VPS9D1: variants seen among roughly 807,000 people sequenced by gnomAD.
The protein encoded by VPS9D1 is VPS9 domain containing 1.
In VPS9D1, 78 loss-of-function variants were observed where a neutral mutation model predicts 75.8. The ratio of observed to expected loss-of-function variants is 1.03; its 90% confidence interval spans 0.86 to 1.24. The LOEUF (loss-of-function observed/expected upper bound fraction) is 1.24, where lower values mean the gene tolerates loss of function less well. Ranked by LOEUF, VPS9D1 falls within the 50% of genes most tolerant of loss-of-function variation. VPS9D1 has a pLI of 0.00. For synonymous variants in VPS9D1, 481 were observed against 385.6 expected (o/e 1.25, Z -2.90); for missense variants, 1,057 against 847.7 (o/e 1.25, Z -3.07).
intron 2 of VPS9D1, among the ~76,000 whole-genome samples, chr16:89,718,718 TC>T (rs1296331027): frequency 1.4e-5 from 2 of 144,018 alleles, no homozygotes; most frequent in African/African-American, 4.9e-5. Context: ...CTTTTTCTTT[TC>T]TTTTTTTTTT....
rs370749023 is a variant in VPS9D1 at position 89,712,481 on chromosome 16, A to G, written c.585T>C (p.Ile195=). Reference sequence around the variant, plus strand: ...CTGCTGTCTCCTCCCGGGCTTTGGCAATCACTAGGTTCTCCATCATCTGCC... The same window carrying G: ...CTGCTGTCTCCTCCCGGGCTTTGGCGATCACTAGGTTCTCCATCATCTGCC... ...LQRQMMENLV[I]AKAREETLQR... Residue 195 remains isoleucine (I), a synonymous_variant, in exon 6 of 15, where the codon ATT becomes ATC. Coordinates refer to ENST00000389386, the MANE Select transcript of VPS9D1 (RefSeq NM_004913.3). 2.1e-5 allele frequency: 34 copies of G among 1,613,352 alleles called. 1 individual carries two copies. The highest frequency in any genetic ancestry group is 3.3e-4 in the Middle Eastern group (2 of 6,010).
chr16:89,718,697 C>T (rs1170734520), intron 2 of VPS9D1, among the ~76,000 whole-genome samples: 3 of 151,720 alleles, frequency 2.0e-5, no homozygotes, highest in Non-Finnish European at 4.4e-5. Flanking sequence ...AGGGCTCAGC[C>T]ATGCCTTTTT....
intron 8 of VPS9D1, 51 bp from the exon 9 acceptor site, chr16:89,711,463 G>A: frequency 2.6e-6 from 4 of 1,521,294 alleles, no homozygotes; most frequent in Non-Finnish European, 3.6e-6. Flanking sequence ...GCCACGACCG[G>A]ACGCGCCTCA....
rs1336036030 is a variant in VPS9D1, at chr16:89,711,985, C to T, written c.660-16G>A. 3.9e-6 allele frequency: 6 copies of T among 1,550,256 alleles called. No homozygotes were observed. Among genetic ancestry groups the T allele is most frequent in the African/African-American group, 2.7e-5 (2 of 73,040 alleles). On this transcript the variant is annotated splice_polypyrimidine_tract_variant and intron_variant, in intron 7 of 14. Coordinates refer to ENST00000389386, the MANE Select transcript of VPS9D1 (RefSeq NM_004913.3). The stretch of plus-strand genomic sequence containing the variant: ...GCAAAACCTCCTGGGGAGAAAGGCA[C>T]GCGGTGGGTGCCGGGGCCAGGCCCT...
chr16:89,715,578 C>T (rs1253729516), intron 4 of VPS9D1, among the ~76,000 whole-genome samples: 17 of 150,900 alleles, frequency 1.1e-4, no homozygotes, highest in Admixed American at 1.1e-3. Flanking sequence ...CTGGAGTGCA[C>T]TGGCACAATC....
chr16:89,707,808 A>G lies in VPS9D1; in HGVS notation c.*53T>C. 6.5e-7 allele frequency: 1 copy of G among 1,532,008 alleles called. No homozygotes were observed. Among genetic ancestry groups the G allele is most frequent in the Middle Eastern group, 1.8e-4 (1 of 5,632 alleles). The allele number at this position is 1,532,008 out of a possible 1,614,324, so 94.9% of individuals were successfully genotyped here. A position where few individuals can be genotyped will look rare whatever the true frequency, so the allele number is the denominator to read the frequency against. On this transcript the variant is annotated 3_prime_UTR_variant, in exon 15 of 15. Transcript: ENST00000389386. ...TCCCATGGCTCCAGGTGTAGGAGAG[A>G]CAGCCCTGGGAGGCGAGGCCAGGCC...
Position 89,719,030 on chromosome 16 carries a change from T to C in VPS9D1, c.172A>G (p.Lys58Glu). 1 of 1,613,210 alleles carries C rather than the reference T, an allele frequency of 6.2e-7. No homozygotes were observed. The highest frequency in any genetic ancestry group is 8.5e-7 in the Non-Finnish European group (1 of 1,179,770). The stretch of plus-strand genomic sequence containing the variant: ...CGCCCGGCTGGCTGAGCCGTACCTT[T>C]AGTGGTTTCCACTTCTTCTAGTAAC... ...QVLLEEVETT[K>E]EAGETVPPDT... Residue 58 changes from lysine to glutamate, a missense_variant, in exon 2 of 15, where the codon AAA (lysine) becomes GAA (glutamate). Transcript: ENST00000389386.
rs200711414 is a variant in VPS9D1 at position 89,711,417 on chromosome 16, G to C, written c.748-5C>G. 6.2e-7 allele frequency: 1 copy of C among 1,601,836 alleles called. No individual in the cohort carries two copies. Among genetic ancestry groups the C allele is most frequent in the Non-Finnish European group, 8.5e-7 (1 of 1,174,404 alleles). Reference sequence around the variant, plus strand: ...CTTCCAGTGCTTCGGCCAGTCCTACGGGACAGGGGGCCTTGAAGGAAAGCA... The same window carrying C: ...CTTCCAGTGCTTCGGCCAGTCCTACCGGACAGGGGGCCTTGAAGGAAAGCA... On this transcript the variant is annotated splice_polypyrimidine_tract_variant and splice_region_variant and intron_variant, in intron 8 of 14. Coordinates refer to ENST00000389386, the MANE Select transcript of VPS9D1 (RefSeq NM_004913.3).
chr16:89,713,541 A>C (rs2060990848), intron 4 of VPS9D1, among the ~76,000 whole-genome samples: 1 of 151,712 alleles, frequency 6.6e-6, no homozygotes, highest in African/African-American at 2.4e-5. Context: ...GGCGTGAGCT[A>C]CCGCGCCCGG....
chr16:89,709,025 G>GCCGCCCC, intron 12 of VPS9D1, 69 bp from the exon 13 acceptor site: 1 of 627,190 alleles, frequency 1.6e-6, no homozygotes, highest in South Asian at 3.0e-5. Context: ...CTTATACCCC[G>GCCGCCCC]CCCACCCACC....
At chr16:89,717,784 C>G (rs534653422) in intron 2 of VPS9D1, 98 of 456,706 alleles carry the variant, frequency 2.1e-4, no homozygotes, top group African/African-American at 1.8e-3. Context: ...AGAGCTCAGC[C>G]GAGCTCACCG....
chr16:89,712,471 G>A lies in VPS9D1; in HGVS notation c.595C>T (p.Arg199Trp), dbSNP rs962420963. ...MMENLVIAKA[R>W]EETLQRKMEE... ...GTCAGAAAGGCTGCTGTCTCCTCCC[G>A]GGCTTTGGCAATCACTAGGTTCTCC... Residue 199 changes from arginine (R) to tryptophan (W), a missense_variant, in exon 6 of 15, where the codon CGG (arginine) becomes TGG (tryptophan). Arg to Trp is a moderately radical substitution (Grantham distance 101). Coordinates refer to ENST00000389386, the MANE Select transcript of VPS9D1 (RefSeq NM_004913.3). 1 of 1,613,200 alleles carries A rather than the reference G, an allele frequency of 6.2e-7. No individual in the cohort carries two copies. The highest frequency in any genetic ancestry group is 8.5e-7 in the Non-Finnish European group (1 of 1,180,010).
In VPS9D1 at chr16:89,710,916, C is replaced by A. The variant is rs770140689; in HGVS notation, c.928G>T (p.Ala310Ser). 1.3e-6 allele frequency: 2 copies of A among 1,489,192 alleles called. No individual in the cohort carries two copies. Among genetic ancestry groups the A allele is most frequent in the South Asian group, 2.6e-5 (2 of 76,286 alleles). 92.2% of individuals were successfully genotyped at this position (1,489,192 alleles called of 1,614,324 possible). A position where few individuals can be genotyped will look rare whatever the true frequency, so the allele number is the denominator to read the frequency against. Residue 310 changes from alanine (A) to serine (S), a missense_variant, in exon 10 of 15, where the codon GCC becomes TCC. Physicochemically the swap from Ala to Ser is moderately conservative, Grantham distance 99. Coordinates refer to ENST00000389386, the MANE Select transcript of VPS9D1 (RefSeq NM_004913.3). ...GGGGTCGGGGGGCAGCAGCCTGGGG[C>A]TGGCGCGGCTGCTCTGCTCACGGCG... is the stretch of plus-strand genomic sequence containing the variant. ...YPAVSRAAAPAPGCCPPTPNP... is the reference protein window; with the variant it reads ...YPAVSRAAAPSPGCCPPTPNP...
At chr16:89,718,951 G>A in intron 2 of VPS9D1, 76 bp downstream of exon 2, 1 of 1,308,288 alleles carries the variant, frequency 7.6e-7, no homozygotes, top group Non-Finnish European at 1.1e-6. Flanking sequence ...CTGACCTCAG[G>A]TGATAGCCCG....
chr16:89,712,972 G>A, intron 4 of VPS9D1: 1 of 321,294 alleles, frequency 3.1e-6, no homozygotes, highest in Non-Finnish European at 5.7e-6. Context: ...ATCACCTGAG[G>A]TCAGGAGTTC....
intron 13 of VPS9D1, 138 bp from the exon 14 acceptor site, chr16:89,708,669 G>A (rs1446825500): frequency 9.0e-7 from 1 of 1,113,772 alleles, no homozygotes; most frequent in Admixed American, 2.3e-5. Context: ...AGGCAGCTGG[G>A]CATGGTGAGG....
rs1373610740 is a variant in VPS9D1, at chr16:89,716,863, C to A, written c.176-41G>T. 2.6e-6 allele frequency: 4 copies of A among 1,527,112 alleles called. No individual in the cohort carries two copies. The Admixed American group carries it at 9.1e-5, about 35-fold the overall frequency. 94.6% of individuals were successfully genotyped at this position (1,527,112 alleles called of 1,614,324 possible). ...GAAGGCTGGTCACAGTCGGCTCTAC[C>A]ACTGTTACTTACTGCTGAGATAAAA... On this transcript the variant is annotated intron_variant, in intron 2 of 14. Coordinates refer to ENST00000389386, the MANE Select transcript of VPS9D1 (RefSeq NM_004913.3).
Position 89,715,080 on chromosome 16 carries a change from C to G in VPS9D1, c.431+1382G>C, listed in dbSNP as rs117358117. Among the ~76,000 whole-genome samples, 374 of 152,226 alleles carry G rather than the reference C, an allele frequency of 2.5e-3. 1 individual carries two copies. The highest frequency in any genetic ancestry group is 3.9e-3 in the Non-Finnish European group (267 of 68,002). ...TTATTTTTTGTTTCTGTAATTCATT[C>G]TAGCTATCTTTTGACCTTTTTTCCA... On this transcript the variant is annotated intron_variant, in intron 4 of 14. Transcript: ENST00000389386.
intron 9 of VPS9D1, 146 bp from the exon 10 acceptor site, chr16:89,711,156 G>A: frequency 8.4e-7 from 1 of 1,191,620 alleles, no homozygotes. Context: ...GCCCCCGCTG[G>A]GGAGGTTGGA....
Sources: gnomAD v4.1 joint callset for allele counts (sites outside exome capture counted in the v4.1 genomes callset) on GRCh38, gnomAD v4.1.1 for gene constraint, MANE v1.5 for transcripts, NCBI Gene and HGNC (gene_info 2026-07-23, HGNC 2026-07-21) for gene names.